PIK3CA: variants seen among roughly 807,000 people sequenced by gnomAD.
PIK3CA encodes phosphatidylinositol-4,5-bisphosphate 3-kinase catalytic subunit alpha.
PIK3CA carries 27 observed loss-of-function variants against 138.2 expected under a neutral mutation model. That is an observed-to-expected ratio of 0.20 (90% CI 0.14 to 0.27). The LOEUF (loss-of-function observed/expected upper bound fraction) is 0.27. Among genes scored for constraint, PIK3CA ranks in the 10% least tolerant of loss-of-function variants. The probability of loss-of-function intolerance (pLI) is 1.00; values close to 1 mark genes in which losing one functional copy is unlikely to be tolerated. For synonymous variants in PIK3CA, 358 were observed against 413.2 expected (o/e 0.87, Z 1.62); for missense variants, 544 against 1,277.4 (o/e 0.43, Z 8.75).
intron 14 of PIK3CA, among the ~76,000 whole-genome samples, chr3:179,223,876 G>A (rs1725022456): frequency 1.3e-5 from 2 of 152,162 alleles, no homozygotes; most frequent in African/African-American, 4.8e-5. Context: ...ACAGGAAGGG[G>A]TACACAGTGC....
chr3:179,151,567 A>G (rs1449356048), intron 1 of PIK3CA, among the ~76,000 whole-genome samples: 1 of 152,170 alleles, frequency 6.6e-6, no homozygotes, highest in East Asian at 1.9e-4. Context: ...GATGGATCCC[A>G]GTTATCTGTG....
chr3:179,191,685 A>G (rs1372585890), intron 1 of PIK3CA, among the ~76,000 whole-genome samples: 3 of 152,128 alleles, frequency 2.0e-5, no homozygotes, highest in African/African-American at 7.2e-5. Context: ...TGCCCAGGCT[A>G]GAGTGCAATG....
Position 179,204,572 on chromosome 3 carries a change from C to A in PIK3CA, c.1129C>A (p.Pro377Thr), listed in dbSNP as rs1405237410. The change falls in exon 6 of 21, where the codon CCT becomes ACT. Residue 377 changes from proline to threonine, a missense_variant. Physicochemically the swap from Pro to Thr is conservative, Grantham distance 38 (BLOSUM62 -1). This residue lies in a region of PIK3CA where 234 missense variants were observed against 401.3 expected (regional missense o/e 0.58). Coordinates refer to ENST00000263967, the MANE Select transcript of PIK3CA (RefSeq NM_006218.4). ...TGACAATGTGAACACTCAAAGAGTA[C>A]CTTGTTCCAATCCCAGGTAAGGAAG... Reference protein sequence around the residue: ...LCDNVNTQRVPCSNPRWNEWL... With the variant: ...LCDNVNTQRVTCSNPRWNEWL... 6.5e-7 allele frequency: 1 copy of A among 1,540,534 alleles called. No individual in the cohort carries two copies.
At position 179,237,776 on chromosome 3, in the gene PIK3CA, A is replaced by G. The variant is rs1053747750; in HGVS notation, c.*3412A>G. The stretch of plus-strand genomic sequence containing the variant: ...TAATTCATACTTTGATCAATAGCCC[A>G]TGCTTGCCAACTCTGAAGAAATTTA... On this transcript the variant is annotated 3_prime_UTR_variant, in exon 21 of 21. Coordinates refer to ENST00000263967, the MANE Select transcript of PIK3CA (RefSeq NM_006218.4). 4.7e-6 allele frequency: 1 copy of G among 210,686 alleles called. No homozygotes were observed. Among genetic ancestry groups the G allele is most frequent in the African/African-American group, 2.3e-5 (1 of 44,086 alleles). 13.1% of individuals were successfully genotyped at this position (210,686 alleles called of 1,614,324 possible). A position where few individuals can be genotyped will look rare whatever the true frequency, so the allele number is the denominator to read the frequency against.
In PIK3CA at chr3:179,210,238, C is replaced by T. The variant is rs745847400; in HGVS notation, c.1304C>T (p.Thr435Ile). 9 of 1,595,716 alleles carry T rather than the reference C, an allele frequency of 5.6e-6. No homozygotes were observed. Among genetic ancestry groups the T allele is most frequent in the Admixed American group, 3.7e-5 (2 of 53,766 alleles). The change falls in exon 8 of 21, where the codon ACT (threonine) becomes ATT (isoleucine). Residue 435 changes from threonine (T) to isoleucine (I), a missense_variant. Transcript: ENST00000263967. ...ATAAACTTGTTTGATTACACAGACA[C>T]TCTAGTATCTGGAAAAATGGCTTTG... ...GNINLFDYTD[T>I]LVSGKMALNL...
rs1287445209 is a variant in PIK3CA at position 179,235,504 on chromosome 3, T to C, written c.*1140T>C. The C allele has an allele frequency of 5.2e-6, 1 of 192,164 alleles. No individual in the cohort carries two copies. Among genetic ancestry groups the C allele is most frequent in the Non-Finnish European group, 1.1e-5 (1 of 91,758 alleles). 11.9% of individuals were successfully genotyped at this position (192,164 alleles called of 1,614,324 possible). On this transcript the variant is annotated 3_prime_UTR_variant, in exon 21 of 21. Transcript: ENST00000263967. ...AGTGTATAACTACTTAAGGAAAACA[T>C]AAAAACTTCATCTTCTTTCCTTTTA... is the stretch of plus-strand genomic sequence containing the variant.
At chr3:179,194,969 G>T (rs1724227585) in intron 1 of PIK3CA, among the ~76,000 whole-genome samples, 1 of 146,988 alleles carries the variant, frequency 6.8e-6, no homozygotes, top group African/African-American at 2.5e-5. Flanking sequence ...CTTTGTTTTT[G>T]TGCCATACTT....
At chr3:179,161,470 G>A (rs1723279634) in intron 1 of PIK3CA, among the ~76,000 whole-genome samples, 1 of 151,814 alleles carries the variant, frequency 6.6e-6, no homozygotes, top group African/African-American at 2.4e-5. Flanking sequence ...GCCGAGGCGG[G>A]CAGATCACTT....
In PIK3CA at chr3:179,234,406, C is replaced by G. The variant is rs533217140; in HGVS notation, c.*42C>G. The G allele has an allele frequency of 6.5e-7, 1 of 1,536,970 alleles. No individual in the cohort carries two copies. The highest frequency in any genetic ancestry group is 2.3e-5 in the East Asian group (1 of 44,204). On this transcript the variant is annotated 3_prime_UTR_variant, in exon 21 of 21. Transcript: ENST00000263967. The surrounding 1 kb of genome is among the most constrained non-coding windows in gnomAD (Gnocchi z 5.1). ...ATGAAAGCTCACTCTGGATTCCACA[C>G]TGCACTGTTAATAACTCTCAGCAGG... is the stretch of plus-strand genomic sequence containing the variant.
chr3:179,205,214 T>C (rs2108395394), intron 6 of PIK3CA, among the ~76,000 whole-genome samples: 1 of 151,884 alleles, frequency 6.6e-6, no homozygotes, highest in South Asian at 2.1e-4. Flanking sequence ...TCAAAATATA[T>C]ATATATTTTA....
chr3:179,232,467 G>A (rs1308213217), intron 20 of PIK3CA, among the ~76,000 whole-genome samples: 2 of 152,090 alleles, frequency 1.3e-5, no homozygotes, highest in African/African-American at 4.8e-5. Context: ...TGGTCTGTGT[G>A]TCTGCTTTTG....
chr3:179,218,091 G>A (rs1724882142), intron 9 of PIK3CA, 119 bp from the exon 10 acceptor site: 1 of 913,772 alleles, frequency 1.1e-6, no homozygotes, highest in South Asian at 3.1e-5. Context: ...TTTTACAACA[G>A]TTAATTAGCA....
chr3:179,173,534 G>A (rs1723618254), intron 1 of PIK3CA, among the ~76,000 whole-genome samples: 1 of 151,048 alleles, frequency 6.6e-6, no homozygotes, highest in Non-Finnish European at 1.5e-5. Context: ...AGCCTATATC[G>A]TGCCACTGCA....
intron 1 of PIK3CA, among the ~76,000 whole-genome samples, chr3:179,192,450 A>G (rs1229275633): frequency 6.6e-6 from 1 of 152,214 alleles, no homozygotes; most frequent in Admixed American, 6.5e-5. Context: ...ATACTTTCCT[A>G]TTTCAAGATT....
At chr3:179,199,254 C>A in intron 2 of PIK3CA, 77 bp downstream of exon 2, 2 of 905,168 alleles carry the variant, frequency 2.2e-6, no homozygotes, top group Non-Finnish European at 3.3e-6. Context: ...ATATTTCTGT[C>A]TAAACCAATA....
chr3:179,159,799 T>G (rs1162511518), intron 1 of PIK3CA, among the ~76,000 whole-genome samples: 1 of 152,194 alleles, frequency 6.6e-6, no homozygotes, highest in Non-Finnish European at 1.5e-5. Flanking sequence ...TATAGCTTAC[T>G]AAACACCTAT....
rs1247054530 is a variant in PIK3CA at position 179,235,004 on chromosome 3, A to C, written c.*640A>C. ...TTTGATGATTTGAGGTTTTATCTGC[A>C]GTTTTGGAAGCAGTCACAAATGAGA... On this transcript the variant is annotated 3_prime_UTR_variant, in exon 21 of 21. Transcript: ENST00000263967. 2.4e-5 allele frequency: 5 copies of C among 211,754 alleles called. No homozygotes were observed. The East Asian group carries it at 2.8e-4, about 12-fold the overall frequency. The allele number at this position is 211,754 out of a possible 1,614,324, so 13.1% of individuals were successfully genotyped here. A position where few individuals can be genotyped will look rare whatever the true frequency, so the allele number is the denominator to read the frequency against.
At chr3:179,186,206 T>C (rs535202873) in intron 1 of PIK3CA, among the ~76,000 whole-genome samples, 2 of 152,338 alleles carry the variant, frequency 1.3e-5, no homozygotes, top group East Asian at 1.9e-4. Flanking sequence ...AGACTAAATA[T>C]GTATTTCACA....
At position 179,158,664 on chromosome 3, in the gene PIK3CA, A is replaced by G. The variant is rs575716654; in HGVS notation, c.-77+10061A>G. On this transcript the variant is annotated intron_variant, in intron 1 of 20. Coordinates refer to ENST00000263967, the MANE Select transcript of PIK3CA (RefSeq NM_006218.4). ...TGAATATAATATTAAACTCTTTTGC[A>G]TATCATTGTTTGTTACCTAGGACAC... Among the ~76,000 whole-genome samples, 8 of 152,072 alleles carry G rather than the reference A, an allele frequency of 5.3e-5. No homozygotes were observed. The South Asian group carries it at 1.7e-3, about 33-fold the overall frequency.
Sources: gnomAD v4.1 joint callset for allele counts (sites outside exome capture counted in the v4.1 genomes callset) on GRCh38, gnomAD v4.1.1 for gene constraint, gnomAD v4.1.1 regional missense constraint, Gnocchi (gnomAD v3.1) non-coding constraint, MANE v1.5 for transcripts, NCBI Gene and HGNC (gene_info 2026-07-23, HGNC 2026-07-21) for gene names.